LIN28B: variants seen among roughly 807,000 people sequenced by gnomAD.
LIN28B encodes the protein protein lin-28 homolog B.
LIN28B carries 5 observed loss-of-function variants against 21.9 expected under a neutral mutation model. The observed-to-expected ratio is 0.23, with a 90% CI of 0.12 to 0.48. The LOEUF is 0.48. Among genes scored for constraint, LIN28B ranks in the 20% least tolerant of loss-of-function variants. The pLI is 0.98. For missense variants in LIN28B, 245 were observed against 310.5 expected (o/e 0.79, Z 1.58); for synonymous variants, 109 against 111.3 (o/e 0.98, Z 0.13).
chr6:105,048,390 G>A (rs1771816374), intron 3 of LIN28B, among the ~76,000 whole-genome samples: 1 of 152,164 alleles, frequency 6.6e-6, no homozygotes, highest in African/African-American at 2.4e-5. Flanking sequence ...TGGTGGATAA[G>A]GTTTTTGATG....
chr6:105,008,423 T>C (rs1160255248), intron 2 of LIN28B, among the ~76,000 whole-genome samples: 1 of 152,066 alleles, frequency 6.6e-6, no homozygotes, highest in East Asian at 1.9e-4. Context: ...GGCGGGCGGA[T>C]CACGAGGTCA....
At chr6:104,989,179 T>C (rs895807758) in intron 2 of LIN28B, among the ~76,000 whole-genome samples, 3 of 152,324 alleles carry the variant, frequency 2.0e-5, no homozygotes, top group South Asian at 2.1e-4. Flanking sequence ...ATTTCTGCTC[T>C]TGAGTATTTC....
intron 3 of LIN28B, among the ~76,000 whole-genome samples, chr6:105,027,184 A>G (rs1029576452): frequency 6.6e-6 from 1 of 152,184 alleles, no homozygotes; most frequent in African/African-American, 2.4e-5. Context: ...GTAAATACTT[A>G]ATAGTGAAAA....
intron 2 of LIN28B, among the ~76,000 whole-genome samples, chr6:105,013,570 TC>T (rs934462767): frequency 2.0e-5 from 3 of 151,668 alleles, no homozygotes; most frequent in Admixed American, 1.3e-4. Flanking sequence ...AAACCCTGTC[TC>T]TACAAAAAAT....
At chr6:105,008,010 C>T (rs1770850823) in intron 2 of LIN28B, among the ~76,000 whole-genome samples, 1 of 152,152 alleles carries the variant, frequency 6.6e-6, no homozygotes, top group Admixed American at 6.5e-5. Flanking sequence ...TTAGTGCCCT[C>T]TGTCAGATAA....
intron 2 of LIN28B, among the ~76,000 whole-genome samples, chr6:104,973,575 T>A (rs1770022786): frequency 6.6e-6 from 1 of 152,200 alleles, no homozygotes; most frequent in African/African-American, 2.4e-5. Context: ...GGCCCTGGCT[T>A]TAGAGATACC....
At chr6:105,069,434 C>T (rs1023306953) in intron 3 of LIN28B, among the ~76,000 whole-genome samples, 20 of 151,856 alleles carry the variant, frequency 1.3e-4, no homozygotes, top group African/African-American at 4.3e-4. Flanking sequence ...GATTAAGGAG[C>T]TGTAAATTTG....
intron 2 of LIN28B, among the ~76,000 whole-genome samples, chr6:104,942,587 A>C (rs1223722052): frequency 1.3e-5 from 2 of 152,244 alleles, no homozygotes; most frequent in African/African-American, 4.8e-5. Context: ...AAATTAACAG[A>C]AGAGAATGTA....
intron 3 of LIN28B, among the ~76,000 whole-genome samples, chr6:105,056,984 A>G (rs1263963556): frequency 2.6e-5 from 4 of 152,222 alleles, no homozygotes; most frequent in Non-Finnish European, 4.4e-5. Flanking sequence ...TGCGTCTTAT[A>G]TCTTTCCCAT....
chr6:104,953,860 A>T (rs539552508), upstream of LIN28B, among the ~76,000 whole-genome samples: 1 of 152,316 alleles, frequency 6.6e-6, no homozygotes, highest in African/African-American at 2.4e-5. Context: ...CCTAGTTTTA[A>T]GAAGAACCGA....
intron 2 of LIN28B, among the ~76,000 whole-genome samples, chr6:104,976,540 A>G (rs1025686132): frequency 6.6e-6 from 1 of 152,216 alleles, no homozygotes; most frequent in Non-Finnish European, 1.5e-5. Flanking sequence ...GCTTATAGTC[A>G]TGTGTATGCA....
At chr6:104,988,069 T>C (rs1177069763) in intron 2 of LIN28B, among the ~76,000 whole-genome samples, 1 of 152,174 alleles carries the variant, frequency 6.6e-6, no homozygotes, top group Non-Finnish European at 1.5e-5. Context: ...TTTTTTTAAA[T>C]TTTCTTTTTT....
intron 2 of LIN28B, among the ~76,000 whole-genome samples, chr6:105,022,767 C>T (rs978826348): frequency 3.3e-5 from 5 of 152,028 alleles, no homozygotes; most frequent in Non-Finnish European, 5.9e-5. Context: ...CTATGGCTAG[C>T]CTTGCGGGGA....
At chr6:104,944,365 T>TTTTA (rs1162870455) in intron 2 of LIN28B, among the ~76,000 whole-genome samples, 1 of 152,114 alleles carries the variant, frequency 6.6e-6, no homozygotes, top group East Asian at 1.9e-4. Flanking sequence ...AACTGTACAG[T>TTTTA]TTTAGTTGAC....
chr6:104,991,587 C>T (rs1008710706), intron 2 of LIN28B, among the ~76,000 whole-genome samples: 12 of 152,082 alleles, frequency 7.9e-5, no homozygotes, highest in South Asian at 4.2e-4. Context: ...CGGGCAGAGA[C>T]GCTCCTCACT....
At chr6:104,988,603 A>T (rs2114262886) in intron 2 of LIN28B, among the ~76,000 whole-genome samples, 1 of 130,410 alleles carries the variant, frequency 7.7e-6, no homozygotes. Context: ...GACAGAGTCT[A>T]CTCTGTCACC....
At chr6:105,015,552 A>C (rs2114316953) in intron 2 of LIN28B, among the ~76,000 whole-genome samples, 1 of 152,258 alleles carries the variant, frequency 6.6e-6, no homozygotes, top group Admixed American at 6.5e-5. Context: ...GGTTGGATTT[A>C]GATCTATCGT....
At chr6:105,043,708 T>C (rs1161375730) in intron 3 of LIN28B, among the ~76,000 whole-genome samples, 1 of 151,860 alleles carries the variant, frequency 6.6e-6, no homozygotes, top group Non-Finnish European at 1.5e-5. Flanking sequence ...GAGCCACTTA[T>C]GTAGCTAGGA....
chr6:105,007,419 A>G (rs1770840045), intron 2 of LIN28B, among the ~76,000 whole-genome samples: 1 of 152,182 alleles, frequency 6.6e-6, no homozygotes, highest in African/African-American at 2.4e-5. Context: ...AACTGCTTGC[A>G]TTCTTGAATT....
Sources: allele counts gnomAD v4.1 joint callset (sites outside exome capture counted in the v4.1 genomes callset), GRCh38; gene constraint gnomAD v4.1.1; transcripts MANE v1.5; gene names NCBI Gene and HGNC (gene_info 2026-07-23, HGNC 2026-07-21).